CTNNA3: variants seen among roughly 807,000 people sequenced by gnomAD.
The protein encoded by CTNNA3 is catenin alpha 3, also known as catenin alpha-3.
Under a neutral mutation model 95.7 loss-of-function variants are expected in CTNNA3, and 76 were observed. That is an observed-to-expected ratio of 0.79 (90% CI 0.66 to 0.96). The LOEUF (loss-of-function observed/expected upper bound fraction) is 0.96, where lower values mean the gene tolerates loss of function less well. Ranked by LOEUF, CTNNA3 falls within the 40% of genes least tolerant of loss-of-function variation. The pLI, the probability that CTNNA3 is intolerant of heterozygous loss-of-function variation, is 0.00. For synonymous variants in CTNNA3, 431 were observed against 374.4 expected (o/e 1.15, Z -1.74); for missense variants, 1,191 against 1,089.8 (o/e 1.09, Z -1.31).
intron 5 of CTNNA3, among the ~76,000 whole-genome samples, chr10:67,476,226 G>A (rs142398983): frequency 9.9e-5 from 15 of 152,108 alleles, no homozygotes; most frequent in Admixed American, 2.0e-4. Flanking sequence ...TGCAGAAACC[G>A]TGGTACAGCG....
chr10:66,003,039 A>T (rs183969972), intron 15 of CTNNA3, among the ~76,000 whole-genome samples: 88 of 152,332 alleles, frequency 5.8e-4, no homozygotes, highest in African/African-American at 1.9e-3. Context: ...TTGAGAAAGA[A>T]CTGAGGCACT....
chr10:65,929,751 T>C (rs2077222239), intron 17 of CTNNA3, among the ~76,000 whole-genome samples: 1 of 152,008 alleles, frequency 6.6e-6, no homozygotes, highest in African/African-American at 2.4e-5. Flanking sequence ...GTATTTTTAG[T>C]ACAGACAGGG....
intron 1 of CTNNA3, among the ~76,000 whole-genome samples, chr10:67,692,081 C>A (rs961584080): frequency 6.8e-6 from 1 of 147,548 alleles, no homozygotes; most frequent in Non-Finnish European, 1.5e-5. Flanking sequence ...GGGGTCAGCC[C>A]CCCGCCCGGC....
intron 7 of CTNNA3, among the ~76,000 whole-genome samples, chr10:66,945,292 A>G (rs1412470590): frequency 6.6e-5 from 10 of 152,174 alleles, no homozygotes; most frequent in African/African-American, 2.4e-4. Context: ...CTTTTACATC[A>G]TCACTTCCAC....
chr10:66,995,119 A>C (rs58095433), intron 7 of CTNNA3, among the ~76,000 whole-genome samples: 16,573 of 152,164 alleles, frequency 0.11, 1,257 homozygotes, highest in African/African-American at 0.21. Context: ...CTGAGGTGTC[A>C]TTGCTTGAAT....
rs148849066 is a variant in CTNNA3 at position 66,082,308 on chromosome 10, G to A, written c.1978-12819C>T. On this transcript the variant is annotated intron_variant, in intron 14 of 17. Coordinates refer to ENST00000433211, the MANE Select transcript of CTNNA3 (RefSeq NM_013266.4). ...TGATTTGATGGACTGAGAAGGACAT[G>A]TTAGTTTTGTGATATTTCCTCCAAA... 2.6e-3 allele frequency among the ~76,000 whole-genome samples: 392 copies of A among 152,186 alleles called. 6 individuals carry two copies. Among genetic ancestry groups the A allele is most frequent in the African/African-American group, 9.1e-3 (379 of 41,538 alleles).
At chr10:66,412,958 A>C (rs2093119440) in intron 11 of CTNNA3, among the ~76,000 whole-genome samples, 1 of 152,218 alleles carries the variant, frequency 6.6e-6, no homozygotes, top group Non-Finnish European at 1.5e-5. Context: ...ATCCAAAAGA[A>C]AGATAACATA....
chr10:67,365,253 A>T (rs1843162916), intron 5 of CTNNA3, among the ~76,000 whole-genome samples: 1 of 152,200 alleles, frequency 6.6e-6, no homozygotes, highest in African/African-American at 2.4e-5. Context: ...TAAATGTAAG[A>T]CCTAACACCA....
Position 66,775,616 on chromosome 10 carries a change from T to C in CTNNA3, c.1048-92A>G, listed in dbSNP as rs562520564. The stretch of plus-strand genomic sequence containing the variant: ...TCTAAATTTCCTGAAAATAACAGCT[T>C]GAAATTCAAGAATAGGTTTCAAAAC... On this transcript the variant is annotated intron_variant, in intron 7 of 17. Transcript: ENST00000433211. 17 of 861,640 alleles carry C rather than the reference T, an allele frequency of 2.0e-5. No individual in the cohort carries two copies. The South Asian group carries it at 2.6e-4, about 13-fold the overall frequency. 53.4% of individuals were successfully genotyped at this position (861,640 alleles called of 1,614,324 possible).
intron 1 of CTNNA3, among the ~76,000 whole-genome samples, chr10:67,711,005 C>T (rs941521107): frequency 6.6e-6 from 1 of 152,158 alleles, no homozygotes; most frequent in African/African-American, 2.4e-5. Context: ...GTGAATAAGT[C>T]TAATGAGATC....
chr10:66,289,178 A>C (rs1237994804), intron 12 of CTNNA3, among the ~76,000 whole-genome samples: 1 of 151,744 alleles, frequency 6.6e-6, no homozygotes, highest in African/African-American at 2.4e-5. Context: ...TTGTAATACT[A>C]CAGTAAAAGA....
At chr10:66,178,739 A>G (rs924414638) in intron 13 of CTNNA3, among the ~76,000 whole-genome samples, 1 of 151,898 alleles carries the variant, frequency 6.6e-6, no homozygotes, top group Non-Finnish European at 1.5e-5. Flanking sequence ...CCAGTTGGAA[A>G]ATGGATAAAA....
intron 10 of CTNNA3, among the ~76,000 whole-genome samples, chr10:66,603,154 T>A (rs1843993518): frequency 6.6e-6 from 1 of 152,086 alleles, no homozygotes; most frequent in South Asian, 2.1e-4. Context: ...AGTCTAATTA[T>A]CCTCGTTTGT....
At chr10:66,870,345 A>T (rs998197785) in intron 7 of CTNNA3, among the ~76,000 whole-genome samples, 29 of 152,310 alleles carry the variant, frequency 1.9e-4, no homozygotes, top group African/African-American at 7.0e-4. Context: ...CTATTAATGG[A>T]CAATATTTTA....
Position 67,682,410 on chromosome 10 carries a change from A to G in CTNNA3, c.-6+13590T>C, listed in dbSNP as rs139925011. On this transcript the variant is annotated intron_variant, in intron 1 of 17. Transcript: ENST00000433211. ...GTAAAAAGAAGGGCAATGGGTTAAT[A>G]AGTACTTAGAAATTGTTCAACTATA... Among the ~76,000 whole-genome samples the G allele has an allele frequency of 9.9e-5, 15 of 152,280 alleles. No homozygotes were observed. The East Asian group carries it at 2.9e-3, about 29-fold the overall frequency.
intron 13 of CTNNA3, among the ~76,000 whole-genome samples, chr10:66,216,344 A>G (rs765703378): frequency 6.6e-6 from 1 of 152,198 alleles, no homozygotes; most frequent in African/African-American, 2.4e-5. Context: ...CTGGCAGGTA[A>G]TTGTGTGGGG....
intron 5 of CTNNA3, among the ~76,000 whole-genome samples, chr10:67,512,835 A>G (rs971098026): frequency 6.6e-6 from 1 of 152,030 alleles, no homozygotes; most frequent in African/African-American, 2.4e-5. Context: ...AAATACAAAA[A>G]TTAGCTAGGC....
At chr10:66,199,688 G>A (rs2087198630) in intron 13 of CTNNA3, among the ~76,000 whole-genome samples, 1 of 139,536 alleles carries the variant, frequency 7.2e-6, no homozygotes. Flanking sequence ...TGCAACCTTC[G>A]CCTCCCGGGT....
At chr10:66,061,660 A>AT (rs1317393845) in intron 15 of CTNNA3, among the ~76,000 whole-genome samples, 2 of 151,446 alleles carry the variant, frequency 1.3e-5, no homozygotes, top group Non-Finnish European at 2.9e-5. Context: ...TCTTTTTCAT[A>AT]TTTTTTTTCT....
Sources: allele counts gnomAD v4.1 joint callset (sites outside exome capture counted in the v4.1 genomes callset), GRCh38; gene constraint gnomAD v4.1.1; transcripts MANE v1.5; gene names NCBI Gene and HGNC (gene_info 2026-07-23, HGNC 2026-07-21).